Variants in SYT1 observed in about 807,000 individuals in gnomAD.
SYT1 encodes synaptotagmin 1, also known as synaptotagmin-1.
SYT1 carries 8 observed loss-of-function variants against 44.8 expected under a neutral mutation model. The ratio of observed to expected loss-of-function variants is 0.18; its 90% confidence interval spans 0.10 to 0.32. The LOEUF is 0.32. SYT1 is among the 10% of genes least tolerant of loss of function. The pLI, the probability that SYT1 is intolerant of heterozygous loss-of-function variation, is 1.00. For synonymous variants in SYT1, 154 were observed against 188.8 expected (o/e 0.82, Z 1.51); for missense variants, 286 against 509.3 (o/e 0.56, Z 4.22).
intron 3 of SYT1, among the ~76,000 whole-genome samples, chr12:79,109,129 G>A (rs1391800652): frequency 6.6e-6 from 1 of 152,158 alleles, no homozygotes; most frequent in Non-Finnish European, 1.5e-5. Context: ...TACTCAGGAA[G>A]AGGAGGGCCA....
chr12:79,303,750 T>C (rs1409839747), intron 8 of SYT1, among the ~76,000 whole-genome samples: 1 of 152,204 alleles, frequency 6.6e-6, no homozygotes, highest in Non-Finnish European at 1.5e-5. Flanking sequence ...AGAATACATA[T>C]TCAATCAAAT....
intron 9 of SYT1, among the ~76,000 whole-genome samples, chr12:79,431,917 A>G (rs969204253): frequency 2.0e-5 from 3 of 152,154 alleles, no homozygotes; most frequent in African/African-American, 4.8e-5. Context: ...CTAGATTACC[A>G]AGGTAGAAGT....
chr12:79,039,737 G>A (rs1873400066), intron 2 of SYT1, among the ~76,000 whole-genome samples: 1 of 149,618 alleles, frequency 6.7e-6, no homozygotes, highest in South Asian at 2.1e-4. Context: ...TGGTCATCTA[G>A]CATTAGGTAT....
intron 9 of SYT1, among the ~76,000 whole-genome samples, chr12:79,428,786 C>T (rs758726342): frequency 1.3e-5 from 2 of 152,092 alleles, no homozygotes; most frequent in Admixed American, 6.5e-5. Context: ...ACTTGCATTG[C>T]TATAAAGGAA....
Position 79,369,367 on chromosome 12 carries a change from A to C in SYT1, c.928+15748A>C, listed in dbSNP as rs376298631. On this transcript the variant is annotated intron_variant, in intron 9 of 10. Transcript: ENST00000261205. ...GGCATATGCCTGTAGTCCTAATTAC[A>C]TGGGAAGGTGAGGCAGGAGGATTGC... Among the ~76,000 whole-genome samples, 70 of 152,244 alleles carry C rather than the reference A, an allele frequency of 4.6e-4. 2 individuals carry two copies. The highest frequency in any genetic ancestry group is 1.7e-3 in the African/African-American group (69 of 41,546).
chr12:79,207,872 AT>A (rs1434155068), intron 3 of SYT1, among the ~76,000 whole-genome samples: 2 of 152,206 alleles, frequency 1.3e-5, no homozygotes, highest in East Asian at 3.9e-4. Flanking sequence ...ACACTGGAGA[AT>A]CTAGCAAACT....
At chr12:79,322,981 G>T (rs1270604346) in intron 8 of SYT1, among the ~76,000 whole-genome samples, 1 of 152,128 alleles carries the variant, frequency 6.6e-6, no homozygotes, top group Non-Finnish European at 1.5e-5. Flanking sequence ...TTGCTTCAAG[G>T]CAAGGGAATA....
chr12:78,880,712 T>C (rs985256635), intron 1 of SYT1, among the ~76,000 whole-genome samples: 1 of 151,564 alleles, frequency 6.6e-6, no homozygotes, highest in African/African-American at 2.4e-5. Flanking sequence ...AGCTTATACC[T>C]TTAAAGTGCA....
intron 9 of SYT1, among the ~76,000 whole-genome samples, chr12:79,415,765 G>A (rs1430211789): frequency 1.3e-5 from 2 of 152,178 alleles, no homozygotes; most frequent in African/African-American, 4.8e-5. Flanking sequence ...CATTTTAAAT[G>A]TTAATAGATG....
chr12:79,015,603 C>A (rs962025396), intron 2 of SYT1, among the ~76,000 whole-genome samples: 1 of 152,038 alleles, frequency 6.6e-6, no homozygotes, highest in Non-Finnish European at 1.5e-5. Flanking sequence ...AGATATGCAG[C>A]CAGAATATTT....
chr12:79,064,391 A>T (rs946489583), intron 3 of SYT1, among the ~76,000 whole-genome samples: 1 of 152,176 alleles, frequency 6.6e-6, no homozygotes, highest in Non-Finnish European at 1.5e-5. Flanking sequence ...GAATATGAAT[A>T]TTTCAGAGGA....
At chr12:78,982,611 A>AGCTTC (rs1869345713) in intron 2 of SYT1, among the ~76,000 whole-genome samples, 1 of 152,156 alleles carries the variant, frequency 6.6e-6, no homozygotes, top group Non-Finnish European at 1.5e-5. Flanking sequence ...TCTATTTGGC[A>AGCTTC]GCTTCTGAAA....
At chr12:79,402,019 G>T (rs1373443695) in intron 9 of SYT1, among the ~76,000 whole-genome samples, 3 of 152,078 alleles carry the variant, frequency 2.0e-5, no homozygotes, top group African/African-American at 7.2e-5. Flanking sequence ...GATTAAGAAG[G>T]TGGGCTGCCC....
At chr12:79,183,573 G>C (rs1872655662) in intron 3 of SYT1, among the ~76,000 whole-genome samples, 1 of 151,888 alleles carries the variant, frequency 6.6e-6, no homozygotes, top group East Asian at 2.0e-4. Flanking sequence ...CCTTCTCTAG[G>C]CTAAAGGGTC....
intron 4 of SYT1, among the ~76,000 whole-genome samples, chr12:79,238,566 G>T (rs528358135): frequency 6.6e-6 from 1 of 152,312 alleles, no homozygotes; most frequent in South Asian, 2.1e-4. Flanking sequence ...TTCCATAAGA[G>T]GACAAGTAGA....
intron 1 of SYT1, among the ~76,000 whole-genome samples, chr12:78,936,557 G>A (rs753463557): frequency 1.3e-5 from 2 of 152,026 alleles, no homozygotes; most frequent in Non-Finnish European, 2.9e-5. Flanking sequence ...TAGGAGGTAA[G>A]ATTAATTACA....
At chr12:79,413,964 AT>A in intron 9 of SYT1, among the ~76,000 whole-genome samples, 1 of 152,280 alleles carries the variant, frequency 6.6e-6, no homozygotes, top group East Asian at 1.9e-4. Context: ...GCAAATATGC[AT>A]TTTTTGTTTA....
At chr12:78,924,152 A>C (rs1029279829) in intron 1 of SYT1, among the ~76,000 whole-genome samples, 1 of 151,916 alleles carries the variant, frequency 6.6e-6, no homozygotes, top group African/African-American at 2.4e-5. Flanking sequence ...AGAAGTGATG[A>C]TGTGTCTTTT....
Position 79,451,594 on chromosome 12 carries a change from T to G in SYT1, c.*2470T>G, listed in dbSNP as rs1167502999. ...CATGGGATTGTCACCATAGAATTAG[T>G]TGGTACTATGCCATCTTTCACTCTT... On this transcript the variant is annotated 3_prime_UTR_variant, in exon 11 of 11. Transcript: ENST00000261205. 1 of 152,214 alleles carries G rather than the reference T, an allele frequency of 6.6e-6. No individual in the cohort carries two copies. The highest frequency in any genetic ancestry group is 6.5e-5 in the Admixed American group (1 of 15,288). 9.4% of individuals were successfully genotyped at this position (152,214 alleles called of 1,614,324 possible).
Sources: gnomAD v4.1 joint callset for allele counts (sites outside exome capture counted in the v4.1 genomes callset) on GRCh38, gnomAD v4.1.1 for gene constraint, MANE v1.5 for transcripts, NCBI Gene and HGNC (gene_info 2026-07-23, HGNC 2026-07-21) for gene names.